ZMIZ1: variants seen among roughly 807,000 people sequenced by gnomAD.
ZMIZ1 encodes zinc finger MIZ-type containing 1.
Under a neutral mutation model 113.9 loss-of-function variants are expected in ZMIZ1, and 17 were observed. That is an observed-to-expected ratio of 0.15 (90% CI 0.10 to 0.22). The LOEUF is 0.22. ZMIZ1 is among the 10% of genes least tolerant of loss of function. The pLI is 1.00. For missense variants in ZMIZ1, 1,059 were observed against 1,477.8 expected, an observed-to-expected ratio of 0.72 and a Z score of 4.65; for synonymous variants, 607 against 603.1, an observed-to-expected ratio of 1.01 and a Z score of -0.09.
chr10:79,307,346 G>A, intron 22 of ZMIZ1, 59 bp from the exon 23 acceptor site: 1 of 1,526,288 alleles, frequency 6.6e-7, no homozygotes, highest in Non-Finnish European at 9.0e-7. Context: ...TCTGTTCCCT[G>A]GGGGTGGCCA....
intron 12 of ZMIZ1, chr10:79,294,015 T>G (rs1349052204): frequency 2.9e-6 from 1 of 350,486 alleles, no homozygotes; most frequent in East Asian, 5.6e-5. Flanking sequence ...TAGTTCCTCC[T>G]GCCCACATGA....
chr10:79,272,168 C>G (rs1851987806), intron 7 of ZMIZ1, among the ~76,000 whole-genome samples: 1 of 152,096 alleles, frequency 6.6e-6, no homozygotes, highest in African/African-American at 2.4e-5. Flanking sequence ...CAACTGTAGT[C>G]CCAGCTACTC....
Position 79,305,248 on chromosome 10 carries a change from C to T in ZMIZ1, c.2354+17C>T, listed in dbSNP as rs753400166. ...TGTGTGCAAGTGAGTGATGCCCACC[C>T]CGGTGGGGGCTTCCCCCATCCCCCA... On this transcript the variant is annotated intron_variant, in intron 20 of 24. Transcript: ENST00000334512. 1.2e-6 allele frequency: 2 copies of T among 1,613,066 alleles called. No individual in the cohort carries two copies. The highest frequency in any genetic ancestry group is 1.7e-6 in the Non-Finnish European group (2 of 1,179,210).
chr10:79,244,546 G>A (rs1256994803), intron 7 of ZMIZ1, among the ~76,000 whole-genome samples: 1 of 152,194 alleles, frequency 6.6e-6, no homozygotes, highest in Non-Finnish European at 1.5e-5. Flanking sequence ...TTCTTTAGAC[G>A]GGTTTCAGGA....
At chr10:79,082,731 G>A (rs1179651365) in intron 1 of ZMIZ1, among the ~76,000 whole-genome samples, 2 of 152,238 alleles carry the variant, frequency 1.3e-5, no homozygotes, top group Non-Finnish European at 2.9e-5. Flanking sequence ...GGGGGACAAT[G>A]GGCAGAGTAG....
intron 5 of ZMIZ1, among the ~76,000 whole-genome samples, chr10:79,206,635 G>A (rs1291538837): frequency 6.6e-6 from 1 of 152,252 alleles, no homozygotes; most frequent in African/African-American, 2.4e-5. Flanking sequence ...CTTTGCAGAA[G>A]GAGCCAGGGC....
intron 7 of ZMIZ1, among the ~76,000 whole-genome samples, chr10:79,253,828 C>A (rs539211318): frequency 3.3e-5 from 5 of 152,166 alleles, no homozygotes; most frequent in African/African-American, 1.2e-4. Flanking sequence ...CCATCATGCC[C>A]TGTGTGGATG....
At chr10:79,232,237 C>G (rs771162343) in intron 7 of ZMIZ1, among the ~76,000 whole-genome samples, 4 of 152,146 alleles carry the variant, frequency 2.6e-5, no homozygotes, top group Admixed American at 6.5e-5. Context: ...AGTGAAAACT[C>G]AGTGTCTTAT....
intron 7 of ZMIZ1, among the ~76,000 whole-genome samples, chr10:79,264,560 T>A (rs546754900): frequency 2.1e-4 from 32 of 152,324 alleles, no homozygotes; most frequent in African/African-American, 7.2e-4. Context: ...CAAATTTTTA[T>A]CCCTAGGGTA....
Position 79,165,948 on chromosome 10 carries a change from C to CTGTGTGTGTGTGTGTGTGTG in ZMIZ1, c.-50+3850_-50+3869dup, listed in dbSNP as rs1174980856. Reference sequence around the variant, plus strand: ...CCTTGGCCTCCAAGCCCCAGCTCAGCTGTGTGTGTGTGTGTGTGTGTGTGT... The same window carrying CTGTGTGTGTGTGTGTGTGTG: ...CCTTGGCCTCCAAGCCCCAGCTCAGCTGTGTGTGTGTGTGTGTGTGTGTGTGTGTGTGTGTGTGTGTGTGT... On this transcript the variant is annotated intron_variant, in intron 4 of 24. Transcript: ENST00000334512. 2.6e-3 allele frequency among the ~76,000 whole-genome samples: 155 copies of CTGTGTGTGTGTGTGTGTGTG among 59,784 alleles called. 1 individual carries two copies. Among genetic ancestry groups the CTGTGTGTGTGTGTGTGTGTG allele is most frequent in the South Asian group, 6.4e-3 (14 of 2,196 alleles). The allele number at this position is 59,784 out of a possible 152,430, so 39.2% of individuals were successfully genotyped here.
At chr10:79,095,232 C>T (rs1035074161) in intron 1 of ZMIZ1, among the ~76,000 whole-genome samples, 1 of 152,228 alleles carries the variant, frequency 6.6e-6, no homozygotes, top group East Asian at 1.9e-4. Context: ...TAGTGCTCAG[C>T]ATAGGGCTGG....
chr10:79,071,236 T>G (rs561486000), intron 1 of ZMIZ1, among the ~76,000 whole-genome samples: 1 of 152,284 alleles, frequency 6.6e-6, no homozygotes, highest in African/African-American at 2.4e-5. Flanking sequence ...TGAGCAACAG[T>G]TTGTCTCCCT....
At chr10:79,078,106 G>A (rs1274781154) in intron 1 of ZMIZ1, among the ~76,000 whole-genome samples, 3 of 152,210 alleles carry the variant, frequency 2.0e-5, no homozygotes, top group Non-Finnish European at 2.9e-5. Flanking sequence ...CAACCTACTA[G>A]GGCAGCTTGT....
chr10:79,213,511 T>C (rs1197334743), intron 6 of ZMIZ1, among the ~76,000 whole-genome samples: 2 of 152,216 alleles, frequency 1.3e-5, no homozygotes, highest in Non-Finnish European at 2.9e-5. Flanking sequence ...AGAGACTCCC[T>C]GCTCCAGCAC....
chr10:79,297,814 T>C, intron 14 of ZMIZ1, 124 bp downstream of exon 14: 2 of 765,292 alleles, frequency 2.6e-6, no homozygotes, highest in Admixed American at 4.7e-5. Context: ...GTGCACTCCC[T>C]GGTCCCCTGT....
chr10:79,259,170 G>A (rs1851102336), intron 7 of ZMIZ1, among the ~76,000 whole-genome samples: 1 of 152,130 alleles, frequency 6.6e-6, no homozygotes, highest in Non-Finnish European at 1.5e-5. Context: ...ACTTCCCAAG[G>A]CCCTGCCCGG....
At chr10:79,135,853 C>T (rs754592792) in intron 2 of ZMIZ1, among the ~76,000 whole-genome samples, 3 of 152,198 alleles carry the variant, frequency 2.0e-5, no homozygotes, top group Non-Finnish European at 2.9e-5. Context: ...TCAGTACAGC[C>T]GGCAGTGAGC....
In ZMIZ1 at chr10:79,307,545, C is replaced by A; in HGVS notation, c.2809C>A (p.Pro937Thr). Reference sequence around the variant, plus strand: ...CAACAACATGGCCGCCCTCGAGAAACCCCTCAGCCACCCCATGCAGGAAAC... The same window carrying A: ...CAACAACATGGCCGCCCTCGAGAAAACCCTCAGCCACCCCATGCAGGAAAC... ...MPNNMAALEKPLSHPMQETMP... is the reference protein window; with the variant it reads ...MPNNMAALEKTLSHPMQETMP... Residue 937 changes from proline to threonine, a missense_variant, in exon 23 of 25, where the codon CCC becomes ACC. Pro to Thr is a conservative substitution (Grantham distance 38). Transcript: ENST00000334512. 6 of 1,611,526 alleles carry A rather than the reference C, an allele frequency of 3.7e-6. No homozygotes were observed. The highest frequency in any genetic ancestry group is 5.1e-6 in the Non-Finnish European group (6 of 1,179,132).
In ZMIZ1 at chr10:79,250,401, G is replaced by A. The variant is rs542477230; in HGVS notation, c.281-26780G>A. Among the ~76,000 whole-genome samples the A allele has an allele frequency of 2.3e-3, 351 of 152,340 alleles. 2 individuals carry two copies. Among genetic ancestry groups the A allele is most frequent in the Middle Eastern group, 0.01 (3 of 294 alleles). ...TAACAGGAGAGCCTGAGAAGGTCAG[G>A]GGACAGAGGGGCACAAGTGTGCTTG... On this transcript the variant is annotated intron_variant, in intron 7 of 24. Transcript: ENST00000334512.
Sources: gnomAD v4.1 joint callset for allele counts (sites outside exome capture counted in the v4.1 genomes callset) on GRCh38, gnomAD v4.1.1 for gene constraint, MANE v1.5 for transcripts, NCBI Gene and HGNC (gene_info 2026-07-23, HGNC 2026-07-21) for gene names.